RYR3: variants seen among roughly 807,000 people sequenced by gnomAD.
The protein encoded by RYR3 is brain ryanodine receptor-calcium release channel.
Under a neutral mutation model 584.3 loss-of-function variants are expected in RYR3, and 207 were observed. The ratio of observed to expected loss-of-function variants is 0.35; its 90% confidence interval spans 0.32 to 0.40. RYR3 has a LOEUF of 0.40. Among genes scored for constraint, RYR3 ranks in the 10% least tolerant of loss-of-function variants. The pLI, the probability that RYR3 is intolerant of heterozygous loss-of-function variation, is 1.00. For missense variants in RYR3, 5,616 were observed against 6,089.2 expected (o/e 0.92, Z 2.59); for synonymous variants, 2,416 against 2,248.5 (o/e 1.07, Z -2.11).
intron 32 of RYR3, among the ~76,000 whole-genome samples, chr15:33,656,659 T>G (rs2062838595): frequency 6.6e-6 from 1 of 152,168 alleles, no homozygotes; most frequent in South Asian, 2.1e-4. Context: ...GTGAATCCAC[T>G]TCTGAGCTTA....
In RYR3 at chr15:33,662,994, C is replaced by T. The variant is rs765387037; in HGVS notation, c.5418+46C>T. 5 of 1,527,320 alleles carry T rather than the reference C, an allele frequency of 3.3e-6. No individual in the cohort carries two copies. In the East Asian group the frequency reaches 9.0e-5, roughly 28 times the overall value. The allele number at this position is 1,527,320 out of a possible 1,614,324, so 94.6% of individuals were successfully genotyped here. On this transcript the variant is annotated intron_variant, in intron 35 of 103. Coordinates refer to ENST00000634891, the MANE Select transcript of RYR3 (RefSeq NM_001036.6). The stretch of plus-strand genomic sequence containing the variant: ...TGGAGGCAGGTTAATAGATCTTCTG[C>T]TTTGATCAAAATATCAGGAACACAC...
chr15:33,453,653 A>G (rs1277346649), intron 1 of RYR3, among the ~76,000 whole-genome samples: 1 of 152,218 alleles, frequency 6.6e-6, no homozygotes, highest in Non-Finnish European at 1.5e-5. Context: ...ATACTTGGAA[A>G]ATATGCATGT....
chr15:33,573,736 G>A (rs548725255), intron 12 of RYR3, among the ~76,000 whole-genome samples: 15 of 152,318 alleles, frequency 9.8e-5, no homozygotes, highest in African/African-American at 3.4e-4. Flanking sequence ...AAGGTGGGAA[G>A]GGATAGGTGA....
At chr15:33,837,474 T>C (rs926765464) in intron 88 of RYR3, among the ~76,000 whole-genome samples, 157 bp from the exon 89 acceptor site, 5 of 152,214 alleles carry the variant, frequency 3.3e-5, no homozygotes, top group African/African-American at 1.2e-4. Context: ...CCTAGTGGTG[T>C]AGTCTTTATG....
At chr15:33,849,436 G>C (rs1238968884) in intron 94 of RYR3, 1 of 152,054 alleles carries the variant, frequency 6.6e-6, no homozygotes, top group East Asian at 1.9e-4. Flanking sequence ...ATATCATCCT[G>C]CAGAGGATTA....
In RYR3 at chr15:33,840,766, CTCA is replaced by C. The variant is rs1596949098; in HGVS notation, c.12979-51_12979-49del. Reference sequence around the variant, plus strand: ...AAGAAGCAAATGGCCAAGAAAATGTCTCATCATCATGACCTCGCTTCTTTGAGG... The same window carrying C: ...AAGAAGCAAATGGCCAAGAAAATGTCTCATCATGACCTCGCTTCTTTGAGG... On this transcript the variant is annotated intron_variant, in intron 89 of 103. Coordinates refer to ENST00000634891, the MANE Select transcript of RYR3 (RefSeq NM_001036.6). The C allele has an allele frequency of 5.2e-6, 8 of 1,526,326 alleles. No individual in the cohort carries two copies. The East Asian group carries it at 1.4e-4, about 26-fold the overall frequency. 94.5% of individuals were successfully genotyped at this position (1,526,326 alleles called of 1,614,324 possible).
intron 85 of RYR3, among the ~76,000 whole-genome samples, chr15:33,829,121 A>C (rs1247456099): frequency 1.3e-5 from 2 of 152,156 alleles, no homozygotes; most frequent in Admixed American, 6.5e-5. Flanking sequence ...TCATCTGTTT[A>C]CAGCATGATT....
At chr15:33,447,723 G>C (rs1481156799) in intron 1 of RYR3, among the ~76,000 whole-genome samples, 1 of 152,074 alleles carries the variant, frequency 6.6e-6, no homozygotes, top group African/African-American at 2.4e-5. Context: ...CATTTCAAGG[G>C]CTCAATAGCC....
intron 1 of RYR3, among the ~76,000 whole-genome samples, chr15:33,455,970 G>C (rs1309590751): frequency 6.6e-6 from 1 of 152,142 alleles, no homozygotes; most frequent in Non-Finnish European, 1.5e-5. Flanking sequence ...TGTTTCCTTA[G>C]ATTGTATTCT....
At chr15:33,436,343 T>C (rs2045725884) in intron 1 of RYR3, among the ~76,000 whole-genome samples, 1 of 152,194 alleles carries the variant, frequency 6.6e-6, no homozygotes, top group Non-Finnish European at 1.5e-5. Flanking sequence ...GTTTTTTCTT[T>C]GAAATACCTG....
chr15:33,775,074 C>T (rs1057250482), intron 64 of RYR3, among the ~76,000 whole-genome samples: 3 of 151,482 alleles, frequency 2.0e-5, no homozygotes, highest in African/African-American at 7.3e-5. Flanking sequence ...AGTGTCAGAC[C>T]AGAAAAAGAC....
Position 33,394,034 on chromosome 15 carries a change from C to A in RYR3, c.52-79385C>A, listed in dbSNP as rs1444378770. Reference sequence around the variant, plus strand: ...ACCTGCTAAATAACAGAGCCAGGCTCAGTTATGTCAGGCTCCAAAGTTTGT... The same window carrying A: ...ACCTGCTAAATAACAGAGCCAGGCTAAGTTATGTCAGGCTCCAAAGTTTGT... On this transcript the variant is annotated intron_variant, in intron 1 of 103. Coordinates refer to ENST00000634891, the MANE Select transcript of RYR3 (RefSeq NM_001036.6). 2.0e-5 allele frequency among the ~76,000 whole-genome samples: 3 copies of A among 152,194 alleles called. No individual in the cohort carries two copies. The East Asian group carries it at 5.8e-4, about 29-fold the overall frequency.
intron 1 of RYR3, among the ~76,000 whole-genome samples, chr15:33,411,405 G>A (rs1038692676): frequency 2.0e-5 from 3 of 152,132 alleles, no homozygotes; most frequent in African/African-American, 7.2e-5. Flanking sequence ...TGCAAATATT[G>A]AAGCAAACAA....
intron 1 of RYR3, among the ~76,000 whole-genome samples, chr15:33,400,655 G>C (rs1009873283): frequency 6.6e-6 from 1 of 152,184 alleles, no homozygotes; most frequent in Non-Finnish European, 1.5e-5. Flanking sequence ...CGGCAATTTT[G>C]TAAGGTAGTA....
At chr15:33,575,389 C>T (rs529586636) in intron 12 of RYR3, among the ~76,000 whole-genome samples, 1 of 152,310 alleles carries the variant, frequency 6.6e-6, no homozygotes, top group African/African-American at 2.4e-5. Flanking sequence ...AAACACTTCT[C>T]AGCAAATGCA....
chr15:33,482,649 C>T (rs573269379), intron 2 of RYR3, among the ~76,000 whole-genome samples: 5 of 152,282 alleles, frequency 3.3e-5, no homozygotes, highest in South Asian at 4.1e-4. Context: ...GAACTCCTGA[C>T]GTTAAGTGCT....
intron 100 of RYR3, 51 bp from the exon 101 acceptor site, chr15:33,860,544 T>C (rs1317683742): frequency 2.7e-6 from 3 of 1,090,966 alleles, no homozygotes; most frequent in African/African-American, 3.2e-5. Context: ...ATCATTCCTC[T>C]ACCCCTGAAC....
At chr15:33,755,836 C>G (rs529390410) in intron 58 of RYR3, among the ~76,000 whole-genome samples, 9 of 152,210 alleles carry the variant, frequency 5.9e-5, no homozygotes, top group Non-Finnish European at 1.5e-5. Flanking sequence ...GTGGCACAGT[C>G]TTGGCTCACA....
intron 1 of RYR3, among the ~76,000 whole-genome samples, chr15:33,468,396 T>A (rs2048659176): frequency 6.6e-6 from 1 of 152,168 alleles, no homozygotes; most frequent in African/African-American, 2.4e-5. Flanking sequence ...GGCACAGAAG[T>A]CCAGAATGAA....
Sources: allele counts gnomAD v4.1 joint callset (sites outside exome capture counted in the v4.1 genomes callset), GRCh38; gene constraint gnomAD v4.1.1; transcripts MANE v1.5; gene names NCBI Gene and HGNC (gene_info 2026-07-23, HGNC 2026-07-21).